The following MMRN1 variants were observed in gnomAD, a reference collection of about 807,000 sequenced individuals.
MMRN1 encodes the protein multimerin-1.
Under a neutral mutation model 100.7 loss-of-function variants are expected in MMRN1, and 94 were observed. The observed-to-expected ratio is 0.93, with a 90% CI of 0.79 to 1.11. The LOEUF (loss-of-function observed/expected upper bound fraction) is 1.11, where lower values mean the gene tolerates loss of function less well. MMRN1 is among the 50% of genes least tolerant of loss of function. MMRN1 has a pLI of 0.00. For missense variants in MMRN1, 1,606 were observed against 1,439.1 expected, an observed-to-expected ratio of 1.12 and a Z score of -1.88; for synonymous variants, 575 against 505.0, an observed-to-expected ratio of 1.14 and a Z score of -1.86.
chr4:89,941,444 A>G (rs966192049), intron 6 of MMRN1, among the ~76,000 whole-genome samples: 3 of 152,096 alleles, frequency 2.0e-5, no homozygotes, highest in Non-Finnish European at 4.4e-5. Context: ...TTTTCTAGTC[A>G]CACACACATA....
At chr4:89,888,614 C>T (rs139446077) in intron 1 of MMRN1, among the ~76,000 whole-genome samples, 85 of 152,086 alleles carry the variant, frequency 5.6e-4, no homozygotes, top group Non-Finnish European at 1.0e-3. Context: ...GATCTCGACA[C>T]TGTGTATTTC....
rs569933426 is a variant in MMRN1 at position 89,953,488 on chromosome 4, C to T, written c.*70C>T. 41 of 1,416,154 alleles carry T rather than the reference C, an allele frequency of 2.9e-5. No individual in the cohort carries two copies. The Admixed American group carries it at 6.6e-4, about 23-fold the overall frequency. The allele number at this position is 1,416,154 out of a possible 1,614,324, so 87.7% of individuals were successfully genotyped here. ...GTGTTTTCATTTATCTTTGCTTGCA[C>T]ATCTGCTCTGTTTTGGTTTTTCTAC... On this transcript the variant is annotated 3_prime_UTR_variant, in exon 8 of 8. Transcript: ENST00000264790.
rs953390588 is a variant in MMRN1 at position 89,909,112 on chromosome 4, G to A, written c.624-164G>A. Among the ~76,000 whole-genome samples, 3 of 151,352 alleles carry A rather than the reference G, an allele frequency of 2.0e-5. No individual in the cohort carries two copies. The South Asian group carries it at 6.2e-4, about 31-fold the overall frequency. ...CCTGAGTACAGCAATACAGTAATAA[G>A]TTATTTTCTCTTATATTTAAATATT... is the stretch of plus-strand genomic sequence containing the variant. On this transcript the variant is annotated intron_variant, in intron 1 of 7. Coordinates refer to ENST00000264790, the MANE Select transcript of MMRN1 (RefSeq NM_007351.3).
At chr4:89,939,046 C>T (rs1240713860) in intron 6 of MMRN1, among the ~76,000 whole-genome samples, 1 of 152,090 alleles carries the variant, frequency 6.6e-6, no homozygotes, top group Non-Finnish European at 1.5e-5. Context: ...CATTGGGCAG[C>T]TCAGCAGGCA....
chr4:89,941,546 T>C (rs1722825252), intron 6 of MMRN1, among the ~76,000 whole-genome samples: 1 of 152,236 alleles, frequency 6.6e-6, no homozygotes, highest in African/African-American at 2.4e-5. Flanking sequence ...CACATAAGCA[T>C]CCTCTGCCTA....
At chr4:89,881,947 C>G (rs1028924847) in intron 1 of MMRN1, among the ~76,000 whole-genome samples, 1 of 151,860 alleles carries the variant, frequency 6.6e-6, no homozygotes, top group African/African-American at 2.4e-5. Flanking sequence ...ACACTTGTTT[C>G]CAATATCTAT....
intron 3 of MMRN1, among the ~76,000 whole-genome samples, chr4:89,915,552 G>A (rs1721885051): frequency 6.7e-6 from 1 of 149,790 alleles, no homozygotes; most frequent in Non-Finnish European, 1.5e-5. Flanking sequence ...ATGGCTCAAA[G>A]GTCTGGAAGG....
intron 1 of MMRN1, 95 bp from the exon 2 acceptor site, chr4:89,909,181 T>G (rs1721661709): frequency 7.5e-7 from 1 of 1,328,552 alleles, no homozygotes; most frequent in East Asian, 2.3e-5. Flanking sequence ...ATCTATAGTA[T>G]GGCAAAAATA....
chr4:89,893,685 A>G (rs949457464), upstream of MMRN1, among the ~76,000 whole-genome samples: 4 of 152,150 alleles, frequency 2.6e-5, no homozygotes, highest in African/African-American at 9.7e-5. Context: ...CATTTAGCAA[A>G]TTGACAGCAA....
chr4:89,896,039 C>T (rs1049118660), intron 1 of MMRN1, among the ~76,000 whole-genome samples: 2 of 152,068 alleles, frequency 1.3e-5, no homozygotes, highest in African/African-American at 2.4e-5. Context: ...TGTCAAAGAT[C>T]GAAACAAGCA....
chr4:89,895,207 T>G lies in MMRN1; in HGVS notation c.236T>G (p.Leu79Arg). Residue 79 changes from leucine (L) to arginine (R), a missense_variant, in exon 1 of 8, where the codon CTT (leucine) becomes CGT (arginine). Coordinates refer to ENST00000264790, the MANE Select transcript of MMRN1 (RefSeq NM_007351.3). The part of the protein sequence containing the change: ...PEARTSEDSL[L>R]KSTLPPSETS... The stretch of plus-strand genomic sequence containing the variant: ...GCAAGAACTTCTGAAGACAGTCTTC[T>G]TAAATCAACACTGCCTCCCTCAGAA... The G allele has an allele frequency of 6.2e-7, 1 of 1,613,850 alleles. No individual in the cohort carries two copies. Among genetic ancestry groups the G allele is most frequent in the Non-Finnish European group, 8.5e-7 (1 of 1,179,926 alleles).
At chr4:89,910,416 C>T (rs554462599) in intron 2 of MMRN1, among the ~76,000 whole-genome samples, 1 of 151,498 alleles carries the variant, frequency 6.6e-6, no homozygotes, top group East Asian at 1.9e-4. Flanking sequence ...TTTAAACAAA[C>T]CATAAGTATT....
chr4:89,942,063 C>T (rs1243386125), intron 6 of MMRN1, among the ~76,000 whole-genome samples: 1 of 152,084 alleles, frequency 6.6e-6, no homozygotes, highest in East Asian at 1.9e-4. Context: ...TAGTCAGAAA[C>T]CCAGACGTTT....
chr4:89,901,866 G>C (rs114322379), intron 1 of MMRN1: 1 of 151,662 alleles, frequency 6.6e-6, no homozygotes, highest in Non-Finnish European at 1.5e-5. Context: ...TTTTGTATTC[G>C]CACAACTTCT....
Position 89,944,249 on chromosome 4 carries a change from T to C in MMRN1, c.3119-7356T>C, listed in dbSNP as rs532949698. ...AATTAATTTTTGTGACCATCTCTAA[T>C]CTTATTTCCTTAAGATAACATCCAA... On this transcript the variant is annotated intron_variant, in intron 6 of 7. Coordinates refer to ENST00000264790, the MANE Select transcript of MMRN1 (RefSeq NM_007351.3). Among the ~76,000 whole-genome samples, 5 of 152,324 alleles carry C rather than the reference T, an allele frequency of 3.3e-5. No individual in the cohort carries two copies. The South Asian group carries it at 1.0e-3, about 32-fold the overall frequency.
chr4:89,947,455 A>T (rs1723023144), intron 6 of MMRN1, among the ~76,000 whole-genome samples: 1 of 152,144 alleles, frequency 6.6e-6, no homozygotes, highest in South Asian at 2.1e-4. Context: ...TTTTAAAACT[A>T]CTTTAGTATT....
In MMRN1 at chr4:89,923,286, A is replaced by G; in HGVS notation, c.955+14A>G. On this transcript the variant is annotated intron_variant, in intron 4 of 7. Transcript: ENST00000264790. ...GTGGTGACCCAGGTCATAGATTGTAATTACTATCATCTCTGACCCAATTAT... is the reference window on the plus strand; with the variant it reads ...GTGGTGACCCAGGTCATAGATTGTAGTTACTATCATCTCTGACCCAATTAT... 1 of 1,602,462 alleles carries G rather than the reference A, an allele frequency of 6.2e-7. No individual in the cohort carries two copies. Among genetic ancestry groups the G allele is most frequent in the Non-Finnish European group, 8.5e-7 (1 of 1,169,776 alleles).
intron 1 of MMRN1, among the ~76,000 whole-genome samples, chr4:89,899,538 T>A (rs1177325271): frequency 6.6e-6 from 1 of 152,028 alleles, no homozygotes; most frequent in Admixed American, 6.6e-5. Context: ...AATTGTAGTG[T>A]ATAATGGGGG....
chr4:89,885,688 A>C (rs1430721604), intron 1 of MMRN1, among the ~76,000 whole-genome samples: 2 of 152,134 alleles, frequency 1.3e-5, no homozygotes, highest in Admixed American at 1.3e-4. Context: ...TAAATTGTTC[A>C]TAATGGGACC....
Sources: allele counts gnomAD v4.1 joint callset (sites outside exome capture counted in the v4.1 genomes callset), GRCh38; gene constraint gnomAD v4.1.1; transcripts MANE v1.5; gene names NCBI Gene and HGNC (gene_info 2026-07-23, HGNC 2026-07-21).